The following LYRM4 variants were observed in gnomAD, a reference collection of about 807,000 sequenced individuals.
LYRM4 encodes LYR motif-containing protein 4.
In LYRM4, 9 loss-of-function variants were observed where a neutral mutation model predicts 11.7. The ratio of observed to expected loss-of-function variants is 0.77; its 90% CI spans 0.46 to 1.34. LYRM4 has a LOEUF of 1.34. Ranked by LOEUF, LYRM4 falls within the 40% of genes most tolerant of loss-of-function variation. The probability of loss-of-function intolerance (pLI) is 0.00; values close to 1 mark genes in which losing one functional copy is unlikely to be tolerated. For missense variants in LYRM4, 133 were observed against 112.5 expected, an observed-to-expected ratio of 1.18 and a Z score of -0.82; for synonymous variants, 42 against 40.4, an observed-to-expected ratio of 1.04 and a Z score of -0.15.
At chr6:5,094,028 A>T in the LYRM4 span, among the ~76,000 whole-genome samples, 1 of 152,216 alleles carries the variant, frequency 6.6e-6, no homozygotes, top group Non-Finnish European at 1.5e-5. Flanking sequence ...TGTCTGACTT[A>T]ACTGAAACCA....
chr6:5,073,030 A>G, the LYRM4 span, among the ~76,000 whole-genome samples: 1 of 152,156 alleles, frequency 6.6e-6, no homozygotes, highest in Non-Finnish European at 1.5e-5. Context: ...TTTTTGTAGG[A>G]AAATTTTGGA....
At chr6:5,071,056 C>T in the LYRM4 span, among the ~76,000 whole-genome samples, 11 of 151,586 alleles carry the variant, frequency 7.3e-5, no homozygotes, top group African/African-American at 2.4e-4. Flanking sequence ...GGCGTGGTAG[C>T]GGGCGCCTAT....
the LYRM4 span, among the ~76,000 whole-genome samples, chr6:5,047,596 A>G: frequency 1.4e-4 from 22 of 152,210 alleles, no homozygotes; most frequent in African/African-American, 2.9e-4. Flanking sequence ...TTTTAATCCA[A>G]GATACAGCTG....
the LYRM4 span, among the ~76,000 whole-genome samples, chr6:5,037,832 C>T: frequency 1.7e-5 from 1 of 60,562 alleles, no homozygotes; most frequent in Admixed American, 2.2e-4. Flanking sequence ...CCCCTCCCCC[C>T]TCCCGGACGG....
intron 2 of LYRM4, among the ~76,000 whole-genome samples, chr6:5,171,559 A>G (rs1232887576): frequency 6.6e-6 from 1 of 152,226 alleles, no homozygotes; most frequent in African/African-American, 2.4e-5. Flanking sequence ...AAGCCAGGAA[A>G]TATTTTTATA....
Position 5,164,273 on chromosome 6 carries a change from A to G in LYRM4, c.207+52345T>C, listed in dbSNP as rs578116574. 4.6e-5 allele frequency among the ~76,000 whole-genome samples: 7 copies of G among 152,306 alleles called. No individual in the cohort carries two copies. In the East Asian group the frequency reaches 1.2e-3, roughly 25 times the overall value. On this transcript the variant is annotated intron_variant, in intron 2 of 2. Transcript: ENST00000330636. The stretch of plus-strand genomic sequence containing the variant: ...ACTAAAGATAAGTATCTGAAAGTTC[A>G]CATTGGCACTATTCACACTAGCCCA...
At chr6:5,101,968 C>CTTTTTTTTTTTTTTTTTTTTTTT (rs397826404), downstream of LYRM4, among the ~76,000 whole-genome samples, 1,264 of 67,848 alleles carry the variant, frequency 0.019, 316 homozygotes, top group Non-Finnish European at 0.028. Context: ...CTAATGCTTT[C>CTTTTTTTTTTTTTTTTTTTTTTT]TTTTTTTTTT....
At chr6:5,083,117 T>G in the LYRM4 span, among the ~76,000 whole-genome samples, 1,136 of 152,282 alleles carry the variant, frequency 7.5e-3, 10 homozygotes, top group African/African-American at 0.025. Flanking sequence ...TGCATGACCC[T>G]GAGAGTGATG....
At chr6:5,129,170 A>G (rs458743) in intron 2 of LYRM4, among the ~76,000 whole-genome samples, 142,637 of 152,262 alleles carry the variant, frequency 0.94, 66,932 homozygotes, top group African/African-American at 0.99. Context: ...CTCAGCTGGG[A>G]ATATGGGAAA....
intron 2 of LYRM4, among the ~76,000 whole-genome samples, chr6:5,193,323 C>G (rs1760873557): frequency 6.6e-6 from 1 of 152,024 alleles, no homozygotes; most frequent in South Asian, 2.1e-4. Context: ...AAAAAAACGC[C>G]TTAGCTTTGT....
At chr6:5,176,753 G>A (rs1189381494) in intron 2 of LYRM4, among the ~76,000 whole-genome samples, 3 of 152,200 alleles carry the variant, frequency 2.0e-5, no homozygotes, top group Non-Finnish European at 2.9e-5. Context: ...AATGACAGCT[G>A]ATTATCTGTT....
chr6:5,199,042 A>G (rs1011089735), intron 2 of LYRM4, among the ~76,000 whole-genome samples: 2 of 152,262 alleles, frequency 1.3e-5, no homozygotes, highest in Non-Finnish European at 2.9e-5. Flanking sequence ...TGACCCAGCC[A>G]TTCCACTTCT....
chr6:5,124,582 T>C (rs1763617766), intron 2 of LYRM4, among the ~76,000 whole-genome samples: 1 of 151,902 alleles, frequency 6.6e-6, no homozygotes, highest in African/African-American at 2.4e-5. Flanking sequence ...ATCACCTCTA[T>C]TCAGGGAGAT....
chr6:5,247,637 A>G (rs1764253038), intron 1 of LYRM4, among the ~76,000 whole-genome samples: 1 of 152,246 alleles, frequency 6.6e-6, no homozygotes, highest in African/African-American at 2.4e-5. Context: ...AATATTCATA[A>G]TTACAATGAA....
chr6:5,151,084 A>ATTT (rs10599613), intron 2 of LYRM4, among the ~76,000 whole-genome samples: 1 of 136,744 alleles, frequency 7.3e-6, no homozygotes, highest in Non-Finnish European at 1.6e-5. Flanking sequence ...TTTGTTTTGA[A>ATTT]TTTTTTTTTT....
the LYRM4 span, among the ~76,000 whole-genome samples, chr6:5,096,318 T>TATATCTACA: frequency 6.6e-6 from 1 of 151,992 alleles, no homozygotes; most frequent in Non-Finnish European, 1.5e-5. Context: ...AGTGAGACCC[T>TATATCTACA]ATATCTACAA....
rs185054864 is a variant in LYRM4, at chr6:5,247,489, T to C, written c.86+13159A>G. The stretch of plus-strand genomic sequence containing the variant: ...TTTAGTTAAGAGACACTTTTGCCTA[T>C]AGAAGTGATATCTGGTTAAAACAAT... On this transcript the variant is annotated intron_variant, in intron 1 of 2. Coordinates refer to ENST00000330636, the MANE Select transcript of LYRM4 (RefSeq NM_020408.6). Among the ~76,000 whole-genome samples, 12 of 152,364 alleles carry C rather than the reference T, an allele frequency of 7.9e-5. No homozygotes were observed. In the East Asian group the frequency reaches 1.9e-3, roughly 24 times the overall value.
chr6:5,244,474 A>G (rs767815345), intron 1 of LYRM4, among the ~76,000 whole-genome samples: 18 of 152,162 alleles, frequency 1.2e-4, no homozygotes, highest in Non-Finnish European at 1.8e-4. Context: ...GGGATGGACC[A>G]GATCTGAAGA....
At chr6:5,140,639 T>A (rs1482006159) in intron 2 of LYRM4, among the ~76,000 whole-genome samples, 1 of 152,318 alleles carries the variant, frequency 6.6e-6, no homozygotes, top group East Asian at 1.9e-4. Context: ...GAAAGTCAAT[T>A]TGTGCTTCAA....
Sources: gnomAD v4.1 joint callset for allele counts (sites outside exome capture counted in the v4.1 genomes callset) on GRCh38, gnomAD v4.1.1 for gene constraint, MANE v1.5 for transcripts, NCBI Gene and HGNC (gene_info 2026-07-23, HGNC 2026-07-21) for gene names.